The following YJU2B variants were observed in gnomAD, a reference collection of about 807,000 sequenced individuals.
The protein encoded by YJU2B is YJU2 splicing factor homolog B.
In YJU2B, 18 loss-of-function variants were observed where a neutral mutation model predicts 38.0. That is an observed-to-expected ratio of 0.47 (90% CI 0.33 to 0.70). The LOEUF is 0.70. Among genes scored for constraint, YJU2B ranks in the 30% least tolerant of loss-of-function variants. YJU2B has a pLI of 0.02. For missense variants in YJU2B, 538 were observed against 556.3 expected (o/e 0.97, Z 0.33); for synonymous variants, 246 against 225.4 (o/e 1.09, Z -0.82).
intron 8 of YJU2B, chr19:13,759,530 G>A (rs980159538): frequency 5.3e-6 from 2 of 374,200 alleles, no homozygotes; most frequent in East Asian, 4.7e-5. Context: ...TGGGAGGATC[G>A]CTTGAGGCCA....
rs1599517111 is a variant in YJU2B, at chr19:13,751,701, G to C, written c.-108G>C. 3 of 1,227,160 alleles carry C rather than the reference G, an allele frequency of 2.4e-6. No individual in the cohort carries two copies. In the East Asian group the frequency reaches 7.1e-5, roughly 29 times the overall value. 76.0% of individuals were successfully genotyped at this position (1,227,160 alleles called of 1,614,324 possible). On this transcript the variant is annotated 5_prime_UTR_variant, in exon 2 of 10. Coordinates refer to ENST00000221554, the MANE Select transcript of YJU2B (RefSeq NM_030818.4). Reference sequence around the variant, plus strand: ...CCACGACATCTTCGCAGGGAAGCCTGTGGACCCTCTGCCAGGCTCCACAAG... The same window carrying C: ...CCACGACATCTTCGCAGGGAAGCCTCTGGACCCTCTGCCAGGCTCCACAAG...
At chr19:13,751,887 T>C (rs1973481463) in intron 2 of YJU2B, 76 bp downstream of exon 2, 7 of 1,371,884 alleles carry the variant, frequency 5.1e-6, no homozygotes, top group South Asian at 1.2e-5. Context: ...CCTCCTCCCC[T>C]CCCAGAGCTC....
chr19:13,740,273 G>A (rs1973057977), intron 2 of YJU2B, among the ~76,000 whole-genome samples: 1 of 151,934 alleles, frequency 6.6e-6, no homozygotes, highest in South Asian at 2.1e-4. Flanking sequence ...GTACAGTGAT[G>A]AGATCATGGC....
At chr19:13,752,621 G>A (rs1236099627) in intron 2 of YJU2B, among the ~76,000 whole-genome samples, 1 of 152,152 alleles carries the variant, frequency 6.6e-6, no homozygotes, top group Admixed American at 6.6e-5. Flanking sequence ...GCGGGAGCCT[G>A]TAGTCCCAGC....
upstream of YJU2B, among the ~76,000 whole-genome samples, chr19:13,747,270 T>G (rs552174496): frequency 2.0e-4 from 30 of 152,324 alleles, no homozygotes; most frequent in African/African-American, 7.2e-4. Flanking sequence ...TGTGTTCCAA[T>G]GAAATTTTAT....
intron 6 of YJU2B, among the ~76,000 whole-genome samples, 182 bp from the exon 7 acceptor site, chr19:13,758,686 A>T (rs1338120038): frequency 6.6e-6 from 1 of 152,264 alleles, no homozygotes; most frequent in East Asian, 1.9e-4. Flanking sequence ...CCACTGACAG[A>T]AGGTCCGTTC....
chr19:13,742,294 C>CTTTTTTT (rs552865402), intron 2 of YJU2B, among the ~76,000 whole-genome samples: 25 of 111,980 alleles, frequency 2.2e-4, no homozygotes, highest in African/African-American at 8.0e-4. Flanking sequence ...TTGAGTCCCA[C>CTTTTTTT]TTTTTTTTTT....
chr19:13,736,803 A>T (rs1266261634), intron 2 of YJU2B, among the ~76,000 whole-genome samples: 1 of 151,636 alleles, frequency 6.6e-6, no homozygotes, highest in East Asian at 2.0e-4. Context: ...AAGCCGAGGC[A>T]GGTGGATCAC....
intron 2 of YJU2B, among the ~76,000 whole-genome samples, chr19:13,736,845 AAC>A (rs1482315969): frequency 1.3e-5 from 2 of 151,994 alleles, no homozygotes; most frequent in East Asian, 4.0e-4. Flanking sequence ...CAGCCTGGCC[AAC>A]ATGGCGAAAT....
At chr19:13,754,059 C>T (rs1446468566) in intron 2 of YJU2B, among the ~76,000 whole-genome samples, 1 of 152,090 alleles carries the variant, frequency 6.6e-6, no homozygotes, top group African/African-American at 2.4e-5. Flanking sequence ...GTAATCCTAG[C>T]TACTCAGGAG....
chr19:13,745,691 A>ATAGATAGATATC (rs1491305651), upstream of YJU2B, among the ~76,000 whole-genome samples: 193 of 58,694 alleles, frequency 3.3e-3, 1 homozygote, highest in African/African-American at 0.012. Context: ...AGATAGATAG[A>ATAGATAGATATC]TATAGATATA....
intron 3 of YJU2B, among the ~76,000 whole-genome samples, chr19:13,755,704 C>T (rs1973640684): frequency 6.6e-6 from 1 of 152,074 alleles, no homozygotes. Context: ...ACCCGGAATC[C>T]CAGCACTTTG....
intron 2 of YJU2B, among the ~76,000 whole-genome samples, chr19:13,742,648 C>A (rs1168630976): frequency 6.6e-6 from 1 of 152,172 alleles, no homozygotes; most frequent in Admixed American, 6.6e-5. Context: ...TATAGAACAG[C>A]CTCTTTGTAT....
At chr19:13,754,186 AAAAT>A in intron 2 of YJU2B, 99 bp from the exon 3 acceptor site, 1 of 878,728 alleles carries the variant, frequency 1.1e-6, no homozygotes, top group Non-Finnish European at 1.9e-6. Flanking sequence ...AATTAATAGT[AAAAT>A]AAAAAATCAG....
chr19:13,746,389 C>G (rs1475189551), upstream of YJU2B, among the ~76,000 whole-genome samples: 2 of 152,222 alleles, frequency 1.3e-5, no homozygotes, highest in African/African-American at 4.8e-5. Context: ...TTTGGGCTCT[C>G]TCTTCCTCTG....
At chr19:13,747,160 C>T (rs1057020543), upstream of YJU2B, among the ~76,000 whole-genome samples, 1 of 152,120 alleles carries the variant, frequency 6.6e-6, no homozygotes, top group Admixed American at 6.6e-5. Flanking sequence ...TGTCTTTAGG[C>T]AGATAAGAGA....
intron 8 of YJU2B, chr19:13,759,583 C>G (rs1973808275): frequency 4.3e-6 from 1 of 233,214 alleles, no homozygotes; most frequent in Non-Finnish European, 8.2e-6. Context: ...GACACCACCC[C>G]CCCCCTCCCC....
chr19:13,759,955 G>A (rs1046246208), intron 8 of YJU2B, among the ~76,000 whole-genome samples: 3 of 152,014 alleles, frequency 2.0e-5, no homozygotes, highest in African/African-American at 4.8e-5. Flanking sequence ...GCACCATCAC[G>A]CACAGCTAGT....
chr19:13,753,526 A>G (rs1358101341), intron 2 of YJU2B, among the ~76,000 whole-genome samples: 1 of 144,644 alleles, frequency 6.9e-6, no homozygotes, highest in Non-Finnish European at 1.5e-5. Context: ...GTGAGATGAG[A>G]TCGCACCATT....
Sources: gnomAD v4.1 joint callset for allele counts (sites outside exome capture counted in the v4.1 genomes callset) on GRCh38, gnomAD v4.1.1 for gene constraint, MANE v1.5 for transcripts, NCBI Gene and HGNC (gene_info 2026-07-23, HGNC 2026-07-21) for gene names.